TCOF1: variants seen among roughly 807,000 people sequenced by gnomAD.
The protein encoded by TCOF1 is treacle ribosome biogenesis factor 1.
TCOF1 carries 33 observed loss-of-function variants against 149.0 expected under a neutral mutation model. That is an observed-to-expected ratio of 0.22 (90% CI 0.17 to 0.30). TCOF1 has a LOEUF of 0.30. Ranked by LOEUF, TCOF1 falls within the 10% of genes least tolerant of loss-of-function variation. The pLI is 1.00. For synonymous variants in TCOF1, 789 were observed against 738.8 expected, an observed-to-expected ratio of 1.07 and a Z score of -1.10; for missense variants, 1,728 against 1,840.7, an observed-to-expected ratio of 0.94 and a Z score of 1.12.
At position 150,379,313 on chromosome 5, in the gene TCOF1, G is replaced by A. The variant is rs1197148486; in HGVS notation, c.2563G>A (p.Ala855Thr). 2.5e-6 allele frequency: 4 copies of A among 1,614,228 alleles called. No individual in the cohort carries two copies. Among genetic ancestry groups the A allele is most frequent in the Admixed American group, 1.7e-5 (1 of 60,030 alleles). Reference protein sequence around the residue: ...ASVPSVGKAVATAAQAQTGPE... With the variant: ...ASVPSVGKAVTTAAQAQTGPE... The stretch of plus-strand genomic sequence containing the variant: ...TGTGCCATCTGTGGGGAAGGCCGTG[G>A]CTACAGCAGCTCAGGCCCAGACAGG... The change falls in exon 16 of 27, where the codon GCT becomes ACT. Residue 855 changes from alanine to threonine, a missense_variant. By Grantham distance (58) the Ala-to-Thr change is moderately conservative. Coordinates refer to ENST00000643257, the MANE Select transcript of TCOF1 (RefSeq NM_001371623.1).
In TCOF1 at chr5:150,376,289, A is replaced by T; in HGVS notation, c.2101A>T (p.Ser701Cys). The change falls in exon 13 of 27, where the codon AGT becomes TGT. Residue 701 changes from serine (S) to cysteine (C), a missense_variant. Transcript: ENST00000643257. ...EDSSSSEESD[S>C]EEEKTGLAVT... ...TTCTTCAAGCAGTGAGGAATCAGAT[A>T]GTGAGGAAGAGAAGACAGGTCTTGC... The T allele has an allele frequency of 6.2e-6, 10 of 1,614,164 alleles. No homozygotes were observed. Among genetic ancestry groups the T allele is most frequent in the Non-Finnish European group, 8.5e-6 (10 of 1,180,028 alleles).
chr5:150,392,142 A>G lies in TCOF1; in HGVS notation c.3483A>G (p.Glu1161=), dbSNP rs1767565982. Residue 1161 remains glutamate (E), a synonymous_variant, in exon 21 of 27, where the codon GAA becomes GAG. Coordinates refer to ENST00000643257, the MANE Select transcript of TCOF1 (RefSeq NM_001371623.1). ...CTTCAGGGAGTGAGGAAGATGGTGAAGGGCCCCAGGGGGCCAAGTCAGCCC... is the reference window on the plus strand; with the variant it reads ...CTTCAGGGAGTGAGGAAGATGGTGAGGGGCCCCAGGGGGCCAAGTCAGCCC... The part of the protein sequence containing the change: ...DSSSGSEEDG[E]GPQGAKSAHT... 1 of 1,614,060 alleles carries G rather than the reference A, an allele frequency of 6.2e-7. No individual in the cohort carries two copies. Among genetic ancestry groups the G allele is most frequent in the African/African-American group, 1.3e-5 (1 of 74,944 alleles).
chr5:150,363,782 G>A (rs1021155455), intron 2 of TCOF1, among the ~76,000 whole-genome samples: 2 of 152,206 alleles, frequency 1.3e-5, no homozygotes, highest in African/African-American at 4.8e-5. Flanking sequence ...CACACAGCAT[G>A]TTCTGCAGGG....
intron 7 of TCOF1, among the ~76,000 whole-genome samples, chr5:150,372,578 G>T (rs537383093): frequency 6.6e-6 from 1 of 152,352 alleles, no homozygotes; most frequent in East Asian, 1.9e-4. Context: ...AGGGAATCCA[G>T]TTCCCTTCCC....
Position 150,383,921 on chromosome 5 carries a change from C to G in TCOF1, c.2860-3981C>G, listed in dbSNP as rs1452984963. 4 of 1,503,648 alleles carry G rather than the reference C, an allele frequency of 2.7e-6. No homozygotes were observed. The South Asian group carries it at 5.1e-5, about 19-fold the overall frequency. 93.1% of individuals were successfully genotyped at this position (1,503,648 alleles called of 1,614,324 possible). On this transcript the variant is annotated intron_variant, in intron 17 of 26. Coordinates refer to ENST00000643257, the MANE Select transcript of TCOF1 (RefSeq NM_001371623.1). ...ACTCCAGAGGCCCAAGTCAGCCATG[C>G]TGGTGTGGTCCAAGCTTCTGTGTGA... is the stretch of plus-strand genomic sequence containing the variant.
At chr5:150,368,677 T>A (rs374970331) in intron 4 of TCOF1, 39 bp from the exon 5 acceptor site, 24 of 1,611,676 alleles carry the variant, frequency 1.5e-5, no homozygotes, top group Non-Finnish European at 1.8e-5. Context: ...TAGTTCACCA[T>A]GCCATACCAG....
At position 150,376,528 on chromosome 5, in the gene TCOF1, A is replaced by G. The variant is rs149384321; in HGVS notation, c.2248A>G (p.Thr750Ala). 115 of 1,611,368 alleles carry G rather than the reference A, an allele frequency of 7.1e-5. No homozygotes were observed. In the African/African-American group the frequency reaches 1.3e-3, roughly 18 times the overall value. The change falls in exon 14 of 27, where the codon ACA becomes GCA. Residue 750 changes from threonine (T) to alanine (A), a missense_variant. Around this residue, in one of 2 missense-constraint regions of TCOF1, gnomAD observed 1,696 missense variants for 1,765.4 expected, o/e 0.96. Coordinates refer to ENST00000643257, the MANE Select transcript of TCOF1 (RefSeq NM_001371623.1). ...AGTACTCCCTGGGAAGACGGGGCCT[A>G]CAGTCACCCAGGTGAAAGCTGAAAA... ...APVLPGKTGP[T>A]VTQVKAEKQE...
rs72492454 is a variant in TCOF1, at chr5:150,374,802, G to A, written c.1269G>A (p.Ala423=). 4.9e-4 allele frequency: 781 copies of A among 1,607,288 alleles called. 5 individuals carry two copies. The East Asian group carries it at 0.014, about 30-fold the overall frequency. ...SSEESDSEEE[A]PAQAKPSGKA... ...AGGAATCGGACAGTGAGGAGGAGGC[G>A]CCTGCTCAGGTGAGGCAGAGGGGAG... The change falls in exon 9 of 27, where the codon GCG becomes GCA. Residue 423 remains alanine (A), a synonymous_variant. Coordinates refer to ENST00000643257, the MANE Select transcript of TCOF1 (RefSeq NM_001371623.1).
chr5:150,386,883 G>C (rs1201424304), intron 17 of TCOF1, among the ~76,000 whole-genome samples: 1 of 152,238 alleles, frequency 6.6e-6, no homozygotes, highest in Admixed American at 6.5e-5. Context: ...CTGGCCTGCA[G>C]AATACCAGGG....
chr5:150,383,588 A>G (rs1765673694), intron 17 of TCOF1: 1 of 839,096 alleles, frequency 1.2e-6, no homozygotes, highest in African/African-American at 1.7e-5. Flanking sequence ...TAACTGTGAG[A>G]AGGGCAGGGA....
Position 150,375,896 on chromosome 5 carries a change from T to C in TCOF1, c.1880T>C (p.Met627Thr), listed in dbSNP as rs757206061. Residue 627 changes from methionine to threonine, a missense_variant, in exon 12 of 27, where the codon ATG (methionine) becomes ACG (threonine). Physicochemically the swap from Met to Thr is moderately conservative, Grantham distance 81 (BLOSUM62 -1). This residue lies in a region of TCOF1 where 1,696 missense variants were observed against 1,765.4 expected (regional missense o/e 0.96). Coordinates refer to ENST00000643257, the MANE Select transcript of TCOF1 (RefSeq NM_001371623.1). The part of the protein sequence containing the change: ...SADSEEAPAA[M>T]TAAQAKPALK... ...GACAGTGAGGAGGCACCAGCAGCCA[T>C]GACTGCAGCTCAGGTGAGGCCTGGG... The C allele has an allele frequency of 6.2e-7, 1 of 1,614,206 alleles. No individual in the cohort carries two copies. The highest frequency in any genetic ancestry group is 8.5e-7 in the Non-Finnish European group (1 of 1,180,046).
intron 17 of TCOF1, among the ~76,000 whole-genome samples, chr5:150,387,320 CTT>C (rs1766488476): frequency 6.6e-6 from 1 of 152,166 alleles, no homozygotes; most frequent in African/African-American, 2.4e-5. Flanking sequence ...CCTTGTTTCT[CTT>C]GTGCATTTTT....
rs578216492 is a variant in TCOF1 at position 150,398,468 on chromosome 5, G to A, written c.4443+17G>A. On this transcript the variant is annotated intron_variant, in intron 25 of 26. Coordinates refer to ENST00000643257, the MANE Select transcript of TCOF1 (RefSeq NM_001371623.1). ...AAGAAAAAGGTAGAGAGTTCCTGGG[G>A]TGTCTCAGGCCAGAAAACAGACCCA... 8.1e-6 allele frequency: 13 copies of A among 1,614,014 alleles called. No individual in the cohort carries two copies. The highest frequency in any genetic ancestry group is 6.6e-5 in the South Asian group (6 of 91,070).
chr5:150,392,537 C>A, intron 21 of TCOF1, 168 bp from the exon 22 acceptor site: 1 of 683,180 alleles, frequency 1.5e-6, no homozygotes, highest in Non-Finnish European at 2.6e-6. Context: ...CTGTGACTAG[C>A]GATAAGTGTG....
intron 21 of TCOF1, 54 bp downstream of exon 21, chr5:150,392,230 C>G: frequency 1.3e-6 from 2 of 1,570,170 alleles, no homozygotes; most frequent in East Asian, 2.2e-5. Flanking sequence ...TGTTGTGTGG[C>G]CTGGTGGAGC....
intron 3 of TCOF1, chr5:150,367,593 G>T: frequency 2.0e-6 from 1 of 506,142 alleles, no homozygotes; most frequent in Non-Finnish European, 3.6e-6. Flanking sequence ...CTCATGCTGC[G>T]GGGGAGTTGG....
At chr5:150,385,854 T>C (rs1766171264) in intron 17 of TCOF1, among the ~76,000 whole-genome samples, 2 of 152,198 alleles carry the variant, frequency 1.3e-5, no homozygotes, top group Non-Finnish European at 2.9e-5. Flanking sequence ...CTGGTTTTGC[T>C]GCTTCACTCC....
chr5:150,383,138 C>G, intron 17 of TCOF1: 2 of 1,536,050 alleles, frequency 1.3e-6, no homozygotes, highest in Non-Finnish European at 1.7e-6. Flanking sequence ...GAGGGGTCCT[C>G]GGAGAGCAGT....
rs1217773283 is a variant in TCOF1, at chr5:150,366,873, C to G, written c.305-971C>G. ...GTTTCACCTTGTTAGCCAGGATGGT[C>G]TCGATCTCCTGACCTCATGATCCAC... On this transcript the variant is annotated intron_variant, in intron 3 of 26. Transcript: ENST00000643257. 8.1e-5 allele frequency among the ~76,000 whole-genome samples: 8 copies of G among 98,956 alleles called. 1 individual carries two copies. Among genetic ancestry groups the G allele is most frequent in the Non-Finnish European group, 1.6e-4 (8 of 49,720 alleles). 64.9% of individuals were successfully genotyped at this position (98,956 alleles called of 152,430 possible).
Sources: gnomAD v4.1 joint callset for allele counts (sites outside exome capture counted in the v4.1 genomes callset) on GRCh38, gnomAD v4.1.1 for gene constraint, gnomAD v4.1.1 regional missense constraint, MANE v1.5 for transcripts, NCBI Gene and HGNC (gene_info 2026-07-23, HGNC 2026-07-21) for gene names.